IL7: variants seen among roughly 807,000 people sequenced by gnomAD.
IL7 encodes the protein interleukin 7.
IL7 carries 3 observed loss-of-function variants against 21.6 expected under a neutral mutation model. The observed-to-expected ratio is 0.14, with a 90% confidence interval of 0.06 to 0.36. The LOEUF (loss-of-function observed/expected upper bound fraction) is 0.36. Ranked by LOEUF, IL7 falls within the 10% of genes least tolerant of loss-of-function variation. IL7 has a pLI of 1.00. For synonymous variants in IL7, 62 were observed against 68.1 expected, an observed-to-expected ratio of 0.91 and a Z score of 0.44; for missense variants, 175 against 200.2, an observed-to-expected ratio of 0.87 and a Z score of 0.76.
At chr8:78,678,685 T>C in intron 4 of IL7, 1 of 1,592,740 alleles carries the variant, frequency 6.3e-7, no homozygotes, top group African/African-American at 1.4e-5. Flanking sequence ...CGAGGGTAAC[T>C]ATATAACCTT....
chr8:78,775,168 G>T (rs1813091550), intron 2 of IL7, among the ~76,000 whole-genome samples: 1 of 151,966 alleles, frequency 6.6e-6, no homozygotes, highest in Non-Finnish European at 1.5e-5. Context: ...TTTAATCCAG[G>T]TGTGGTTATA....
chr8:78,766,533 T>C (rs1812758097), intron 2 of IL7, among the ~76,000 whole-genome samples: 1 of 152,058 alleles, frequency 6.6e-6, no homozygotes, highest in Non-Finnish European at 1.5e-5. Context: ...TTTATGAGGG[T>C]ATTTTCCTTT....
chr8:78,719,803 T>G (rs553840999), intron 5 of IL7: 1 of 151,772 alleles, frequency 6.6e-6, no homozygotes, highest in Non-Finnish European at 1.5e-5. Flanking sequence ...TAGCCATACA[T>G]AGAAAGATAG....
chr8:78,768,148 A>T (rs1482316763), intron 2 of IL7, among the ~76,000 whole-genome samples: 1 of 152,036 alleles, frequency 6.6e-6, no homozygotes, highest in Admixed American at 6.6e-5. Context: ...TATGTGCCAC[A>T]TTTTCTTAAT....
downstream of IL7, among the ~76,000 whole-genome samples, chr8:78,727,785 A>G (rs895537654): frequency 1.3e-5 from 2 of 152,012 alleles, no homozygotes; most frequent in Admixed American, 1.3e-4. Context: ...AGATAAATTA[A>G]GAATTTTAAA....
At chr8:78,788,610 TA>T (rs1813588536) in intron 2 of IL7, among the ~76,000 whole-genome samples, 2 of 152,166 alleles carry the variant, frequency 1.3e-5, no homozygotes, top group Admixed American at 6.6e-5. Flanking sequence ...TTGTACTTTA[TA>T]AAAATTTGTT....
intron 3 of IL7, chr8:78,723,922 C>A (rs1325959578): frequency 1.5e-5 from 3 of 204,130 alleles, no homozygotes; most frequent in Non-Finnish European, 3.5e-5. Flanking sequence ...CAGATGTGAC[C>A]TCAAGAAATT....
intron 3 of IL7, among the ~76,000 whole-genome samples, chr8:78,711,696 A>G (rs1400282272): frequency 6.6e-6 from 1 of 151,896 alleles, no homozygotes; most frequent in Non-Finnish European, 1.5e-5. Flanking sequence ...TTTTTTTGAA[A>G]TAGTTGTTCT....
At chr8:78,781,731 G>GCT (rs1813337574) in intron 2 of IL7, among the ~76,000 whole-genome samples, 1 of 152,036 alleles carries the variant, frequency 6.6e-6, no homozygotes, top group Non-Finnish European at 1.5e-5. Context: ...TCTTACTGGG[G>GCT]CTCTCTGTAC....
chr8:78,728,029 A>T (rs1276435415), downstream of IL7, among the ~76,000 whole-genome samples: 1 of 152,064 alleles, frequency 6.6e-6, no homozygotes, highest in East Asian at 1.9e-4. Context: ...ACACATGTGC[A>T]TACAAACCCA....
Position 78,733,610 on chromosome 8 carries a change from A to C in IL7, c.*103T>G. 7 of 1,222,656 alleles carry C rather than the reference A, an allele frequency of 5.7e-6. No individual in the cohort carries two copies. Among genetic ancestry groups the C allele is most frequent in the Non-Finnish European group, 8.0e-6 (7 of 874,298 alleles). 75.7% of individuals were successfully genotyped at this position (1,222,656 alleles called of 1,614,324 possible). A position where few individuals can be genotyped will look rare whatever the true frequency, so the allele number is the denominator to read the frequency against. On this transcript the variant is annotated 3_prime_UTR_variant, in exon 6 of 6. Coordinates refer to ENST00000263851, the MANE Select transcript of IL7 (RefSeq NM_000880.4). ...AATCCGTTTTGACCATGGTGCATTC[A>C]GTAACTTCTAGGAAGCATTCCACTC... is the stretch of plus-strand genomic sequence containing the variant.
chr8:78,734,761 G>A (rs1471515512), intron 5 of IL7, among the ~76,000 whole-genome samples: 2 of 152,126 alleles, frequency 1.3e-5, no homozygotes, highest in Admixed American at 1.3e-4. Context: ...GTCATATATT[G>A]TGCTCAGTGT....
chr8:78,703,243 A>C (rs796548187), intron 3 of IL7, among the ~76,000 whole-genome samples: 1 of 152,132 alleles, frequency 6.6e-6, no homozygotes, highest in Non-Finnish European at 1.5e-5. Flanking sequence ...TGAGAACACT[A>C]TTCTGTTGTT....
At chr8:78,788,184 T>C (rs1398915940) in intron 2 of IL7, among the ~76,000 whole-genome samples, 3 of 152,176 alleles carry the variant, frequency 2.0e-5, no homozygotes, top group South Asian at 2.1e-4. Context: ...ATTAATTTTA[T>C]TGATCTTTTC....
At chr8:78,686,353 G>T in intron 3 of IL7, 4 of 878,010 alleles carry the variant, frequency 4.6e-6, no homozygotes, top group Non-Finnish European at 6.1e-6. Context: ...ATCATTTAAG[G>T]ACTCCTGATA....
chr8:78,801,966 C>G (rs1456413268), intron 1 of IL7, among the ~76,000 whole-genome samples: 1 of 152,150 alleles, frequency 6.6e-6, no homozygotes, highest in African/African-American at 2.4e-5. Flanking sequence ...CACACCCACA[C>G]TCCCCACCAT....
At chr8:78,804,873 C>A in intron 1 of IL7, 40 bp downstream of exon 1, 1 of 1,611,702 alleles carries the variant, frequency 6.2e-7, no homozygotes, top group Non-Finnish European at 8.5e-7. Flanking sequence ...CCCGGCGCGT[C>A]GGGCGCGCGA....
At chr8:78,726,613 A>G (rs1015575125) in intron 3 of IL7, among the ~76,000 whole-genome samples, 1 of 152,038 alleles carries the variant, frequency 6.6e-6, no homozygotes, top group African/African-American at 2.4e-5. Flanking sequence ...TAAAGTGGTC[A>G]CAGGTATTGA....
intron 1 of IL7, among the ~76,000 whole-genome samples, chr8:78,802,191 AG>A (rs1814086778): frequency 6.6e-6 from 1 of 152,190 alleles, no homozygotes; most frequent in South Asian, 2.1e-4. Context: ...CAGCTGCTTA[AG>A]TTATGGGGGT....
Sources: allele counts gnomAD v4.1 joint callset (sites outside exome capture counted in the v4.1 genomes callset), GRCh38; gene constraint gnomAD v4.1.1; transcripts MANE v1.5; gene names NCBI Gene and HGNC (gene_info 2026-07-23, HGNC 2026-07-21).